CNTNAP2: variants seen among roughly 807,000 people sequenced by gnomAD.
The protein encoded by CNTNAP2 is contactin-associated protein-like 2.
CNTNAP2 carries 98 observed loss-of-function variants against 155.2 expected under a neutral mutation model. The observed-to-expected ratio is 0.63, with a 90% confidence interval of 0.54 to 0.75. The LOEUF (loss-of-function observed/expected upper bound fraction) is 0.75, where lower values mean the gene tolerates loss of function less well. Among genes scored for constraint, CNTNAP2 ranks in the 30% least tolerant of loss-of-function variants. The pLI is 0.00. For missense variants in CNTNAP2, 1,727 were observed against 1,688.1 expected (o/e 1.02, Z -0.40); for synonymous variants, 651 against 631.2 (o/e 1.03, Z -0.47).
intron 14 of CNTNAP2, among the ~76,000 whole-genome samples, chr7:147,930,240 T>TC (rs1800474735): frequency 6.6e-6 from 1 of 151,808 alleles, no homozygotes; most frequent in African/African-American, 2.4e-5. Context: ...TTACCTTAAA[T>TC]GAAAATAGAC....
chr7:148,314,020 C>T lies in CNTNAP2; in HGVS notation c.3475+46894C>T, dbSNP rs114399655. On this transcript the variant is annotated intron_variant, in intron 21 of 23. Transcript: ENST00000361727. ...AGGTTGGGGAGAGCTTGTCACTGAA[C>T]GAAACTGTAAGCCGGACTGGGTGTG... is the stretch of plus-strand genomic sequence containing the variant. Among the ~76,000 whole-genome samples, 1,153 of 152,010 alleles carry T rather than the reference C, an allele frequency of 7.6e-3. 18 individuals are homozygous for T. Among genetic ancestry groups the T allele is most frequent in the African/African-American group, 0.026 (1,080 of 41,426 alleles).
chr7:147,430,552 T>C (rs1797448038), intron 10 of CNTNAP2, among the ~76,000 whole-genome samples: 1 of 152,308 alleles, frequency 6.6e-6, no homozygotes, highest in African/African-American at 2.4e-5. Context: ...ACTAATCCCC[T>C]CAGCAAGTGT....
intron 17 of CNTNAP2, among the ~76,000 whole-genome samples, chr7:148,159,722 C>T (rs1268614335): frequency 6.6e-6 from 1 of 152,184 alleles, no homozygotes. Context: ...TTTCACTAAG[C>T]ACTGCTTGAC....
At chr7:147,289,957 A>G (rs898508074) in intron 8 of CNTNAP2, among the ~76,000 whole-genome samples, 4 of 152,106 alleles carry the variant, frequency 2.6e-5, no homozygotes, top group Non-Finnish European at 5.9e-5. Context: ...CCATTTGAAA[A>G]CATTTACATA....
intron 9 of CNTNAP2, among the ~76,000 whole-genome samples, chr7:147,377,119 T>A (rs1302875050): frequency 1.3e-5 from 2 of 149,830 alleles, no homozygotes; most frequent in Non-Finnish European, 3.0e-5. Flanking sequence ...TTTTTGATTT[T>A]CCTTTATTCC....
At chr7:148,183,329 C>G (rs1239405463) in intron 18 of CNTNAP2, among the ~76,000 whole-genome samples, 1 of 151,956 alleles carries the variant, frequency 6.6e-6, no homozygotes, top group Non-Finnish European at 1.5e-5. Flanking sequence ...ATTCTGAGGG[C>G]GTAATTTGGG....
chr7:146,587,256 G>A lies in CNTNAP2; in HGVS notation c.98-187015G>A, dbSNP rs1798706772. Among the ~76,000 whole-genome samples, 10 of 152,084 alleles carry A rather than the reference G, an allele frequency of 6.6e-5. No individual in the cohort carries two copies. In the South Asian group the frequency reaches 2.1e-3, roughly 32 times the overall value. On this transcript the variant is annotated intron_variant, in intron 1 of 23. Coordinates refer to ENST00000361727, the MANE Select transcript of CNTNAP2 (RefSeq NM_014141.6). ...TTATTAGCACCTATTATAATATATG[G>A]CCATTAATTATTAGCTGTACATATT...
intron 1 of CNTNAP2, among the ~76,000 whole-genome samples, chr7:146,512,210 A>G (rs1283930947): frequency 1.3e-5 from 2 of 150,400 alleles, no homozygotes; most frequent in Non-Finnish European, 3.0e-5. Flanking sequence ...AAGCTTTGTC[A>G]ATTTTGATTA....
chr7:146,203,245 G>A (rs1285376771), intron 1 of CNTNAP2, among the ~76,000 whole-genome samples: 3 of 152,086 alleles, frequency 2.0e-5, no homozygotes, highest in Non-Finnish European at 4.4e-5. Flanking sequence ...CCCAGGGTGA[G>A]GACTCAGTTT....
At chr7:146,338,402 G>T (rs1801316037) in intron 1 of CNTNAP2, among the ~76,000 whole-genome samples, 1 of 152,084 alleles carries the variant, frequency 6.6e-6, no homozygotes, top group Non-Finnish European at 1.5e-5. Context: ...TCAGTCCTGT[G>T]TAAAGAGTGA....
At chr7:147,148,031 G>T (rs1297910248) in intron 8 of CNTNAP2, among the ~76,000 whole-genome samples, 1 of 152,102 alleles carries the variant, frequency 6.6e-6, no homozygotes, top group East Asian at 1.9e-4. Context: ...TCACTGTATA[G>T]ATAAATACAT....
At chr7:147,414,432 TAAAA>T (rs55692955) in intron 10 of CNTNAP2, among the ~76,000 whole-genome samples, 7 of 121,930 alleles carry the variant, frequency 5.7e-5, no homozygotes, top group Admixed American at 8.3e-5. Flanking sequence ...TCAAAAACAT[TAAAA>T]AAAAAAAAAA....
chr7:146,225,886 A>G (rs1455277503), intron 1 of CNTNAP2, among the ~76,000 whole-genome samples: 1 of 152,216 alleles, frequency 6.6e-6, no homozygotes, highest in Non-Finnish European at 1.5e-5. Flanking sequence ...TTACTAACCT[A>G]AATTCAGTCC....
chr7:146,456,420 A>G (rs1796556208), intron 1 of CNTNAP2, among the ~76,000 whole-genome samples: 1 of 152,156 alleles, frequency 6.6e-6, no homozygotes. Flanking sequence ...AGAACTGAAA[A>G]TAGAACAAAA....
intron 12 of CNTNAP2, among the ~76,000 whole-genome samples, chr7:147,606,346 T>C (rs1740439943): frequency 6.6e-6 from 1 of 152,204 alleles, no homozygotes. Flanking sequence ...TGTGAAGTGC[T>C]AAGGAACGGA....
chr7:148,090,792 C>CAA (rs1388456492), intron 15 of CNTNAP2, among the ~76,000 whole-genome samples: 9 of 152,198 alleles, frequency 5.9e-5, no homozygotes, highest in Non-Finnish European at 1.2e-4. Context: ...GAGATAAGTG[C>CAA]ACTCCTATGT....
intron 10 of CNTNAP2, among the ~76,000 whole-genome samples, chr7:147,472,508 C>T (rs1319789057): frequency 1.3e-5 from 2 of 152,132 alleles, no homozygotes; most frequent in African/African-American, 2.4e-5. Context: ...CCACCACACT[C>T]AGCCCAACAA....
intron 1 of CNTNAP2, among the ~76,000 whole-genome samples, chr7:146,639,712 C>T (rs1156860383): frequency 1.3e-5 from 2 of 152,156 alleles, no homozygotes; most frequent in African/African-American, 4.8e-5. Context: ...GTCCATGTGC[C>T]AGGCACTGTG....
intron 2 of CNTNAP2, among the ~76,000 whole-genome samples, chr7:146,828,350 T>C (rs1336360372): frequency 6.6e-6 from 1 of 152,038 alleles, no homozygotes; most frequent in Non-Finnish European, 1.5e-5. Flanking sequence ...ATCCACTTGA[T>C]AGTTTTGCTA....
Sources: allele counts gnomAD v4.1 joint callset (sites outside exome capture counted in the v4.1 genomes callset), GRCh38; gene constraint gnomAD v4.1.1; transcripts MANE v1.5; gene names NCBI Gene and HGNC (gene_info 2026-07-23, HGNC 2026-07-21).